Variants in ZNF76 observed in about 807,000 individuals in gnomAD.
ZNF76 encodes the protein zinc finger protein 523.
ZNF76 carries 66 observed loss-of-function variants against 66.9 expected under a neutral mutation model. The observed-to-expected ratio is 0.99, with a 90% CI of 0.81 to 1.21. ZNF76 has a LOEUF of 1.21. Among genes scored for constraint, ZNF76 ranks in the 50% most tolerant of loss-of-function variants. ZNF76 has a pLI of 0.00. For missense variants in ZNF76, 729 were observed against 760.3 expected (o/e 0.96, Z 0.48); for synonymous variants, 275 against 296.1 (o/e 0.93, Z 0.73).
intron 1 of ZNF76, among the ~76,000 whole-genome samples, chr6:35,271,766 CA>C (rs1230048057): frequency 1.3e-5 from 2 of 151,874 alleles, no homozygotes; most frequent in Non-Finnish European, 2.9e-5. Context: ...CACTATTCCA[CA>C]AGACAAACAA....
chr6:35,284,852 A>G (rs1789311761), intron 2 of ZNF76, among the ~76,000 whole-genome samples: 1 of 152,064 alleles, frequency 6.6e-6, no homozygotes, highest in Non-Finnish European at 1.5e-5. Context: ...CTGGGACCAC[A>G]GGCATGCACT....
intron 2 of ZNF76, 56 bp from the exon 3 acceptor site, chr6:35,286,072 G>A (rs987124926): frequency 2.0e-5 from 31 of 1,552,324 alleles, no homozygotes; most frequent in Admixed American, 5.0e-5. Flanking sequence ...ACAGGCAGGC[G>A]TTTCTTAGCC....
chr6:35,268,346 G>C (rs1786462221), intron 1 of ZNF76, among the ~76,000 whole-genome samples: 1 of 152,158 alleles, frequency 6.6e-6, no homozygotes, highest in Non-Finnish European at 1.5e-5. Flanking sequence ...ATCGTGAGGA[G>C]AGTCTCTTTG....
Position 35,291,152 on chromosome 6 carries a change from G to A in ZNF76, c.626-126G>A, listed in dbSNP as rs1054831363. ...TTTCCAGCCCCTGCCCAGGGCAGGG[G>A]TGGGATAGAGGCAGACATGGGCTTC... On this transcript the variant is annotated intron_variant, in intron 7 of 13. Transcript: ENST00000373953. 36 of 1,315,754 alleles carry A rather than the reference G, an allele frequency of 2.7e-5. No homozygotes were observed. The African/African-American group carries it at 5.1e-4, about 19-fold the overall frequency. 81.5% of individuals were successfully genotyped at this position (1,315,754 alleles called of 1,614,324 possible).
In ZNF76 at chr6:35,292,785, A is replaced by C; in HGVS notation, c.1163A>C (p.Glu388Ala). The C allele has an allele frequency of 6.2e-7, 1 of 1,613,946 alleles. No individual in the cohort carries two copies. The highest frequency in any genetic ancestry group is 8.5e-7 in the Non-Finnish European group (1 of 1,179,922). The change falls in exon 10 of 14, where the codon GAG (glutamate) becomes GCG (alanine). Residue 388 changes from glutamate to alanine, a missense_variant and splice_region_variant. Glu to Ala is a moderately radical substitution (Grantham distance 107, BLOSUM62 -1). Coordinates refer to ENST00000373953, the MANE Select transcript of ZNF76 (RefSeq NM_003427.5). The surrounding 1 kb of genome is among the most constrained non-coding windows in gnomAD (Gnocchi z 4.7). The stretch of plus-strand genomic sequence containing the variant: ...GCCCTCTATGAGCAGCAGCAACTTG[A>C]GGGTAAGGGGAGTGGGCAGAGGGTG... ...EQALYEQQQLEAASAAEESPP... is the reference protein window; with the variant it reads ...EQALYEQQQLAAASAAEESPP...
At chr6:35,280,516 T>TA (rs1788601255) in intron 1 of ZNF76, among the ~76,000 whole-genome samples, 2 of 97,630 alleles carry the variant, frequency 2.0e-5, no homozygotes, top group Non-Finnish European at 4.0e-5. Context: ...TCAAGCATGA[T>TA]CCCCCCCCCC....
intron 1 of ZNF76, among the ~76,000 whole-genome samples, chr6:35,260,497 C>G (rs1227918056): frequency 1.3e-5 from 2 of 152,224 alleles, no homozygotes; most frequent in Non-Finnish European, 1.5e-5. Context: ...GCATCTCTCT[C>G]TGCGATCCCA....
intron 1 of ZNF76, among the ~76,000 whole-genome samples, chr6:35,262,741 T>A (rs1301602628): frequency 6.6e-6 from 1 of 152,184 alleles, no homozygotes; most frequent in Non-Finnish European, 1.5e-5. Flanking sequence ...GACCTCTTGA[T>A]GTGACTAGCT....
intron 1 of ZNF76, among the ~76,000 whole-genome samples, chr6:35,265,986 T>C (rs1035949927): frequency 1.3e-5 from 2 of 152,076 alleles, no homozygotes; most frequent in Non-Finnish European, 2.9e-5. Context: ...AGAAACTGGT[T>C]AGGAGGCTAC....
chr6:35,279,093 G>C (rs1292833544), intron 1 of ZNF76: 1 of 152,248 alleles, frequency 6.6e-6, no homozygotes, highest in South Asian at 2.1e-4. Flanking sequence ...ACTATGGAAG[G>C]GTTTTAGTCA....
intron 1 of ZNF76, chr6:35,279,559 C>G (rs1788441427): frequency 6.6e-6 from 1 of 151,188 alleles, no homozygotes; most frequent in African/African-American, 2.4e-5. Flanking sequence ...TCCCAAGTAG[C>G]TGGGACTACA....
chr6:35,291,167 A>G, intron 7 of ZNF76, 111 bp from the exon 8 acceptor site: 1 of 1,428,390 alleles, frequency 7.0e-7, no homozygotes. Flanking sequence ...ATAGAGGCAG[A>G]CATGGGCTTC....
intron 1 of ZNF76, among the ~76,000 whole-genome samples, chr6:35,272,493 G>C (rs867516676): frequency 7.6e-6 from 1 of 131,192 alleles, no homozygotes; most frequent in Non-Finnish European, 1.8e-5. Context: ...GTGTGTGTGT[G>C]TGTGTGTGTG....
chr6:35,267,766 G>A (rs138114906), intron 1 of ZNF76, among the ~76,000 whole-genome samples: 2 of 152,274 alleles, frequency 1.3e-5, no homozygotes, highest in Non-Finnish European at 2.9e-5. Flanking sequence ...TCCTGATCTG[G>A]GTCTCCGTGG....
chr6:35,292,958 G>T lies in ZNF76; in HGVS notation c.1243G>T (p.Asp415Tyr). The T allele has an allele frequency of 6.2e-7, 1 of 1,614,246 alleles. No individual in the cohort carries two copies. Among genetic ancestry groups the T allele is most frequent in the Non-Finnish European group, 8.5e-7 (1 of 1,180,054 alleles). The change falls in exon 11 of 14, where the codon GAT becomes TAT. Residue 415 changes from aspartate (D) to tyrosine (Y), a missense_variant. By Grantham distance (160) the Asp-to-Tyr change is radical. Transcript: ENST00000373953. The surrounding 1 kb of genome is among the most constrained non-coding windows in gnomAD (Gnocchi z 4.7). ...AYLSEVKEER[D>Y]DIPAQVAMVT... is the part of the protein sequence containing the mutation. Reference sequence around the variant, plus strand: ...CCTTTCGGAGGTGAAGGAAGAGAGAGATGACATCCCAGCCCAGGTGGCGAT... The same window carrying T: ...CCTTTCGGAGGTGAAGGAAGAGAGATATGACATCCCAGCCCAGGTGGCGAT...
rs1785291602 is a variant in ZNF76, at chr6:35,261,800, C to G, written c.-97+1959C>G. On this transcript the variant is annotated intron_variant, in intron 1 of 13. Transcript: ENST00000373953. ...AAGTAGTTGAGATTATAGGCGTGAG[C>G]CACCAAGACTGGCCCTGACCCCCAA... Among the ~76,000 whole-genome samples the G allele has an allele frequency of 2.6e-5, 4 of 152,262 alleles. No individual in the cohort carries two copies. The South Asian group carries it at 8.3e-4, about 32-fold the overall frequency.
rs370841135 is a variant in ZNF76 at position 35,268,111 on chromosome 6, G to A, written c.-97+8270G>A. On this transcript the variant is annotated intron_variant, in intron 1 of 13. Coordinates refer to ENST00000373953, the MANE Select transcript of ZNF76 (RefSeq NM_003427.5). ...GTAACCTAGTAGTATTAATCATTTGGTATCTGTGGGCACATTCTTTGTTAG... is the reference window on the plus strand; with the variant it reads ...GTAACCTAGTAGTATTAATCATTTGATATCTGTGGGCACATTCTTTGTTAG... Among the ~76,000 whole-genome samples the A allele has an allele frequency of 7.9e-5, 12 of 152,186 alleles. No individual in the cohort carries two copies. The East Asian group carries it at 2.3e-3, about 29-fold the overall frequency.
intron 1 of ZNF76, among the ~76,000 whole-genome samples, chr6:35,280,526 C>T (rs908991034): frequency 3.7e-5 from 5 of 135,766 alleles, no homozygotes; most frequent in Admixed American, 7.2e-5. Flanking sequence ...TCCCCCCCCC[C>T]CCCGCCCTGA....
intron 1 of ZNF76, among the ~76,000 whole-genome samples, chr6:35,261,332 A>G (rs1393915712): frequency 6.6e-6 from 1 of 152,198 alleles, no homozygotes; most frequent in African/African-American, 2.4e-5. Context: ...TGGAATCCCT[A>G]TCTTCTCATC....
Sources: gnomAD v4.1 joint callset for allele counts (sites outside exome capture counted in the v4.1 genomes callset) on GRCh38, gnomAD v4.1.1 for gene constraint, Gnocchi (gnomAD v3.1) non-coding constraint, MANE v1.5 for transcripts, NCBI Gene and HGNC (gene_info 2026-07-23, HGNC 2026-07-21) for gene names.